The following MGMT variants were observed in gnomAD, a reference collection of about 807,000 sequenced individuals.
MGMT encodes methylated-DNA--protein-cysteine methyltransferase.
MGMT carries 14 observed loss-of-function variants against 15.9 expected under a neutral mutation model. The observed-to-expected ratio is 0.88, with a 90% confidence interval of 0.58 to 1.37. The LOEUF (loss-of-function observed/expected upper bound fraction) is 1.37, where lower values mean the gene tolerates loss of function less well. Among genes scored for constraint, MGMT ranks in the 40% most tolerant of loss-of-function variants. MGMT has a pLI of 0.00. For synonymous variants in MGMT, 130 were observed against 118.2 expected, an observed-to-expected ratio of 1.10 and a Z score of -0.65; for missense variants, 282 against 268.1, an observed-to-expected ratio of 1.05 and a Z score of -0.36.
intron 2 of MGMT, among the ~76,000 whole-genome samples, chr10:129,661,806 GGTTTT>G (rs1299675181): frequency 6.6e-6 from 1 of 152,090 alleles, no homozygotes; most frequent in Non-Finnish European, 1.5e-5. Context: ...CTTGACTTAC[GGTTTT>G]GTTTTAATAT....
chr10:129,603,618 A>C (rs891789642), intron 2 of MGMT, among the ~76,000 whole-genome samples: 4 of 152,324 alleles, frequency 2.6e-5, no homozygotes, highest in Admixed American at 2.0e-4. Flanking sequence ...AAACAATTGG[A>C]ATCTATTATA....
chr10:129,730,306 C>G (rs963707288), intron 3 of MGMT, among the ~76,000 whole-genome samples: 3 of 152,108 alleles, frequency 2.0e-5, no homozygotes, highest in African/African-American at 7.2e-5. Flanking sequence ...CCTAATGACT[C>G]TGGGCAAGAC....
chr10:129,757,446 C>G (rs953276459), intron 3 of MGMT, among the ~76,000 whole-genome samples: 1 of 152,196 alleles, frequency 6.6e-6, no homozygotes, highest in African/African-American at 2.4e-5. Flanking sequence ...CCAGGCCGTT[C>G]TCCCAGAACA....
At chr10:129,694,932 T>G (rs954853715) in intron 2 of MGMT, among the ~76,000 whole-genome samples, 1 of 152,220 alleles carries the variant, frequency 6.6e-6, no homozygotes, top group African/African-American at 2.4e-5. Flanking sequence ...ATCTACTTCT[T>G]GCAAATATTA....
chr10:129,750,216 A>T (rs572025829), intron 3 of MGMT, among the ~76,000 whole-genome samples: 1 of 152,086 alleles, frequency 6.6e-6, no homozygotes, highest in South Asian at 2.1e-4. Context: ...CTCCTGTGTT[A>T]TATTCTGAAA....
rs376491213 is a variant in MGMT at position 129,770,341 on chromosome 10, G to A, written c.*3344G>A. On this transcript the variant is annotated 3_prime_UTR_variant, in exon 5 of 5. Transcript: ENST00000651593. ...ACCCGCTGGAGCCCTGTGGAGTGGC[G>A]GACTCTGGGGAGTAGCTGGTCAGTG... 2.6e-4 allele frequency among the ~76,000 whole-genome samples: 40 copies of A among 152,338 alleles called. No homozygotes were observed. The highest frequency in any genetic ancestry group is 9.1e-4 in the African/African-American group (38 of 41,570).
At chr10:129,733,634 C>T (rs1848527732) in intron 3 of MGMT, among the ~76,000 whole-genome samples, 1 of 152,038 alleles carries the variant, frequency 6.6e-6, no homozygotes, top group Admixed American at 6.6e-5. Flanking sequence ...AGTCCTTGCC[C>T]ATGCCTATGT....
intron 2 of MGMT, among the ~76,000 whole-genome samples, chr10:129,663,962 C>T (rs1847628627): frequency 1.3e-5 from 2 of 152,196 alleles, no homozygotes; most frequent in Admixed American, 6.5e-5. Flanking sequence ...ATTTTTTATG[C>T]AGCAAGTACA....
At chr10:129,720,927 T>C (rs911079374) in intron 3 of MGMT, among the ~76,000 whole-genome samples, 1 of 145,622 alleles carries the variant, frequency 6.9e-6, no homozygotes, top group Non-Finnish European at 1.5e-5. Context: ...CTGTTGTAAA[T>C]TTAAATGTCA....
At chr10:129,648,798 G>T (rs967193897) in intron 2 of MGMT, among the ~76,000 whole-genome samples, 4 of 152,054 alleles carry the variant, frequency 2.6e-5, no homozygotes, top group African/African-American at 9.7e-5. Context: ...GTTCAGACTG[G>T]CTCCCATGTT....
chr10:129,692,964 C>T (rs747245238), intron 2 of MGMT, among the ~76,000 whole-genome samples: 20 of 152,226 alleles, frequency 1.3e-4, no homozygotes, highest in Non-Finnish European at 2.2e-4. Context: ...GGACGCCACT[C>T]GCTGGCAAAG....
intron 3 of MGMT, among the ~76,000 whole-genome samples, chr10:129,716,107 G>A (rs1848292995): frequency 6.6e-6 from 1 of 152,150 alleles, no homozygotes; most frequent in Admixed American, 6.5e-5. Flanking sequence ...CATACAAGAA[G>A]TTACTCCCAA....
chr10:129,552,588 T>C (rs564701651), intron 2 of MGMT, among the ~76,000 whole-genome samples: 1 of 152,352 alleles, frequency 6.6e-6, no homozygotes, highest in South Asian at 2.1e-4. Context: ...GTTCATCGCT[T>C]TGGTCTTGGT....
At position 129,517,657 on chromosome 10, in the gene MGMT, T is replaced by C. The variant is rs181554802; in HGVS notation, c.-12-18584T>C. 3.9e-3 allele frequency among the ~76,000 whole-genome samples: 599 copies of C among 152,266 alleles called. 15 individuals carry two copies. Among genetic ancestry groups the C allele is most frequent in the East Asian group, 2.5e-3 (13 of 5,162 alleles). On this transcript the variant is annotated intron_variant, in intron 1 of 4. Coordinates refer to ENST00000651593, the MANE Select transcript of MGMT (RefSeq NM_002412.5). ...AGGCTTCTTGAGGGTGGGGTGGCCA[T>C]GAGCGAGAGCGCTCGCCTCTGTCCT... is the stretch of plus-strand genomic sequence containing the variant.
At chr10:129,660,645 C>T (rs1227790165) in intron 2 of MGMT, among the ~76,000 whole-genome samples, 1 of 152,140 alleles carries the variant, frequency 6.6e-6, no homozygotes, top group Non-Finnish European at 1.5e-5. Flanking sequence ...TCTCTCCTGC[C>T]TCTGCTGTGG....
chr10:129,704,276 A>G (rs1848133480), intron 2 of MGMT, among the ~76,000 whole-genome samples: 1 of 152,112 alleles, frequency 6.6e-6, no homozygotes, highest in Non-Finnish European at 1.5e-5. Flanking sequence ...CCCATGCCCT[A>G]AGGAAACTCT....
intron 2 of MGMT, among the ~76,000 whole-genome samples, chr10:129,586,337 C>G (rs188033015): frequency 6.6e-6 from 1 of 152,314 alleles, no homozygotes; most frequent in East Asian, 1.9e-4. Context: ...GATTCCTCTC[C>G]TCACCTCAAC....
chr10:129,589,869 C>T (rs191686241), intron 2 of MGMT, among the ~76,000 whole-genome samples: 39 of 152,342 alleles, frequency 2.6e-4, no homozygotes, highest in Admixed American at 8.5e-4. Context: ...GCAGCCCATC[C>T]ACCAGGAGGG....
At chr10:129,530,558 C>T (rs1321858989) in intron 1 of MGMT, among the ~76,000 whole-genome samples, 1 of 152,174 alleles carries the variant, frequency 6.6e-6, no homozygotes, top group Non-Finnish European at 1.5e-5. Flanking sequence ...TTTTGCTTCT[C>T]CCCTGGTTGG....
Sources: allele counts gnomAD v4.1 joint callset (sites outside exome capture counted in the v4.1 genomes callset), GRCh38; gene constraint gnomAD v4.1.1; transcripts MANE v1.5; gene names NCBI Gene and HGNC (gene_info 2026-07-23, HGNC 2026-07-21).